The following RABGAP1L variants were observed in gnomAD, a reference collection of about 807,000 sequenced individuals.
RABGAP1L encodes the protein RAB GTPase activating protein 1 like.
RABGAP1L carries 63 observed loss-of-function variants against 137.7 expected under a neutral mutation model. That is an observed-to-expected ratio of 0.46 (90% CI 0.37 to 0.56). The LOEUF (loss-of-function observed/expected upper bound fraction) is 0.56. Ranked by LOEUF, RABGAP1L falls within the 20% of genes least tolerant of loss-of-function variation. The pLI is 0.00. For missense variants in RABGAP1L, 1,095 were observed against 1,244.0 expected (o/e 0.88, Z 1.80); for synonymous variants, 431 against 433.7 (o/e 0.99, Z 0.08).
chr1:174,185,151 C>G (rs1351201358), intron 1 of RABGAP1L, among the ~76,000 whole-genome samples: 3 of 152,162 alleles, frequency 2.0e-5, no homozygotes, highest in Non-Finnish European at 4.4e-5. Context: ...GTGCTCTCTG[C>G]TATCCTTTTG....
chr1:174,183,797 C>T (rs1434698155), intron 1 of RABGAP1L, among the ~76,000 whole-genome samples: 1 of 151,988 alleles, frequency 6.6e-6, no homozygotes, highest in East Asian at 1.9e-4. Flanking sequence ...GTTTGTCTTG[C>T]CTCAATACTT....
intron 14 of RABGAP1L, among the ~76,000 whole-genome samples, chr1:174,661,378 C>T (rs1676359117): frequency 6.6e-6 from 1 of 151,926 alleles, no homozygotes; most frequent in African/African-American, 2.4e-5. Flanking sequence ...AGTAAGAAAA[C>T]ATGTAGTTGA....
At chr1:174,819,452 C>T (rs1011363111) in intron 19 of RABGAP1L, among the ~76,000 whole-genome samples, 1 of 152,086 alleles carries the variant, frequency 6.6e-6, no homozygotes, top group Non-Finnish European at 1.5e-5. Context: ...CATATGCTCT[C>T]AGAGCTCATG....
At chr1:174,710,049 G>A (rs1051617869) in intron 17 of RABGAP1L, among the ~76,000 whole-genome samples, 28 of 152,110 alleles carry the variant, frequency 1.8e-4, no homozygotes, top group Non-Finnish European at 2.9e-4. Context: ...TTGATCAAGT[G>A]GAAGAAAGGA....
intron 13 of RABGAP1L, among the ~76,000 whole-genome samples, chr1:174,620,473 A>G (rs1242840900): frequency 6.6e-6 from 1 of 152,226 alleles, no homozygotes; most frequent in Non-Finnish European, 1.5e-5. Flanking sequence ...ACTCAGGATT[A>G]AGACACTCAC....
chr1:174,529,867 CCCTCAGG>C (rs1297604978), intron 13 of RABGAP1L, among the ~76,000 whole-genome samples: 8 of 152,074 alleles, frequency 5.3e-5, no homozygotes, highest in African/African-American at 1.9e-4. Flanking sequence ...GAAAGGCCCA[CCCTCAGG>C]CCCATGGGAG....
intron 13 of RABGAP1L, among the ~76,000 whole-genome samples, chr1:174,503,658 C>CAAAAAAAAAAAAA (rs61588327): frequency 3.6e-4 from 37 of 103,612 alleles, no homozygotes; most frequent in African/African-American, 6.9e-4. Context: ...GAGACTCCGT[C>CAAAAAAAAAAAAA]AAAAAAAAAA....
rs117115284 is a variant in RABGAP1L at position 174,636,033 on chromosome 1, A to C, written c.1711-1342A>C. Among the ~76,000 whole-genome samples the C allele has an allele frequency of 1.0e-3, 156 of 152,358 alleles. 3 individuals carry two copies. The East Asian group carries it at 0.023, about 23-fold the overall frequency. ...CTTTTAATTTGCAATTAGTAGTCTG[A>C]TGTGAATTGTACAAAATATTTTCAC... On this transcript the variant is annotated intron_variant, in intron 13 of 25. Transcript: ENST00000681986.
At chr1:174,347,852 T>C (rs1464356526) in intron 11 of RABGAP1L, among the ~76,000 whole-genome samples, 2 of 152,222 alleles carry the variant, frequency 1.3e-5, no homozygotes, top group Admixed American at 1.3e-4. Context: ...TCCATTTGCA[T>C]GGGATATCTT....
chr1:174,431,819 T>C (rs181527761), intron 13 of RABGAP1L, among the ~76,000 whole-genome samples: 13 of 152,326 alleles, frequency 8.5e-5, no homozygotes, highest in Admixed American at 7.8e-4. Flanking sequence ...CTACCAAATA[T>C]TAAATTATGT....
chr1:174,428,904 T>C (rs930176443), intron 13 of RABGAP1L, among the ~76,000 whole-genome samples: 6 of 152,242 alleles, frequency 3.9e-5, no homozygotes, highest in South Asian at 2.1e-4. Context: ...AATCTAATGT[T>C]ATAAATTAGG....
intron 13 of RABGAP1L, among the ~76,000 whole-genome samples, chr1:174,599,135 A>G (rs1165866505): frequency 2.6e-5 from 4 of 152,170 alleles, no homozygotes; most frequent in Admixed American, 6.5e-5. Context: ...CAAGGCTTGC[A>G]AATAACATTT....
chr1:174,856,456 A>G (rs1008655331), intron 19 of RABGAP1L, among the ~76,000 whole-genome samples: 4 of 151,976 alleles, frequency 2.6e-5, no homozygotes, highest in Non-Finnish European at 5.9e-5. Context: ...TTATTTTTAA[A>G]ATATTATATA....
At chr1:174,817,536 G>A (rs1690566004) in intron 19 of RABGAP1L, among the ~76,000 whole-genome samples, 1 of 152,138 alleles carries the variant, frequency 6.6e-6, no homozygotes, top group African/African-American at 2.4e-5. Flanking sequence ...AGTTAGGGGA[G>A]TAGATAGAGA....
intron 18 of RABGAP1L, among the ~76,000 whole-genome samples, chr1:174,796,188 G>A (rs1189346478): frequency 6.6e-5 from 10 of 152,134 alleles, no homozygotes; most frequent in Admixed American, 6.5e-4. Flanking sequence ...TCTGTGAAGT[G>A]TTCTGTTGGG....
chr1:174,845,261 T>A (rs934348992), intron 19 of RABGAP1L, among the ~76,000 whole-genome samples: 10 of 104,642 alleles, frequency 9.6e-5, no homozygotes, highest in African/African-American at 2.9e-4. Flanking sequence ...TCCAACACTA[T>A]GTTGAATAGG....
intron 14 of RABGAP1L, among the ~76,000 whole-genome samples, chr1:174,639,104 G>T (rs902467401): frequency 6.6e-6 from 1 of 150,540 alleles, no homozygotes. Flanking sequence ...TCTGCAAATG[G>T]CACGACTTTC....
At chr1:174,376,663 C>A (rs544901194) in intron 12 of RABGAP1L, among the ~76,000 whole-genome samples, 4 of 151,990 alleles carry the variant, frequency 2.6e-5, no homozygotes, top group East Asian at 1.9e-4. Flanking sequence ...TTTAAAAAAA[C>A]CAAAAAACAA....
At chr1:174,825,556 A>G (rs575391793) in intron 19 of RABGAP1L, among the ~76,000 whole-genome samples, 6 of 152,346 alleles carry the variant, frequency 3.9e-5, no homozygotes, top group Middle Eastern at 3.4e-3. Context: ...ATAAATACAC[A>G]CTGGAAGGAT....
Sources: allele counts gnomAD v4.1 joint callset (sites outside exome capture counted in the v4.1 genomes callset), GRCh38; gene constraint gnomAD v4.1.1; transcripts MANE v1.5; gene names NCBI Gene and HGNC (gene_info 2026-07-23, HGNC 2026-07-21).